POU6F2: variants seen among roughly 807,000 people sequenced by gnomAD.
POU6F2 encodes the protein POU class 6 homeobox 2, also known as POU domain, class 6, transcription factor 2.
A neutral mutation model predicts 71.3 loss-of-function variants in POU6F2; 31 were observed. The observed-to-expected ratio is 0.43, with a 90% CI of 0.33 to 0.59. POU6F2 has a LOEUF of 0.59. Among genes scored for constraint, POU6F2 ranks in the 20% least tolerant of loss-of-function variants. The pLI, the probability that POU6F2 is intolerant of heterozygous loss-of-function variation, is 0.04. For synonymous variants in POU6F2, 347 were observed against 355.7 expected (o/e 0.98, Z 0.27); for missense variants, 783 against 856.8 (o/e 0.91, Z 1.07).
rs527806712 is a variant in POU6F2 at position 39,341,676 on chromosome 7, G to A, written c.972+1661G>A. The stretch of plus-strand genomic sequence containing the variant: ...AAGAAAAATATTGCCCTTCCTTGAG[G>A]AGTGAAATTACTTAGGTGTGTCCCC... On this transcript the variant is annotated intron_variant, in intron 5 of 9. Coordinates refer to ENST00000518318, the MANE Select transcript of POU6F2 (RefSeq NM_001370959.1). 2.4e-4 allele frequency among the ~76,000 whole-genome samples: 36 copies of A among 152,260 alleles called. 1 individual carries two copies. The South Asian group carries it at 7.5e-3, about 32-fold the overall frequency.
intron 4 of POU6F2, among the ~76,000 whole-genome samples, chr7:39,240,176 CTTTG>C (rs1384966900): frequency 2.0e-5 from 3 of 152,090 alleles, no homozygotes; most frequent in Non-Finnish European, 4.4e-5. Context: ...TCTCTGACAT[CTTTG>C]TTTGTACCGG....
At chr7:39,179,537 ACACACACACACACG>A (rs1793397534) in intron 2 of POU6F2, among the ~76,000 whole-genome samples, 1 of 152,220 alleles carries the variant, frequency 6.6e-6, no homozygotes, top group Non-Finnish European at 1.5e-5. Context: ...ATGCGCGCAC[ACACACACACACACG>A]CACACAGTCT....
intron 2 of POU6F2, among the ~76,000 whole-genome samples, chr7:39,149,885 C>CTTTTTTTTT (rs70977463): frequency 7.0e-6 from 1 of 142,338 alleles, no homozygotes; most frequent in Non-Finnish European, 1.5e-5. Flanking sequence ...GCAAGATTTC[C>CTTTTTTTTT]TTTTTTTTTT....
intron 1 of POU6F2, among the ~76,000 whole-genome samples, chr7:38,979,238 G>A (rs1382523017): frequency 6.6e-6 from 1 of 151,684 alleles, no homozygotes; most frequent in East Asian, 1.9e-4. Flanking sequence ...ATCAAGACAA[G>A]CTGGCAAGGC....
intron 2 of POU6F2, among the ~76,000 whole-genome samples, chr7:39,200,516 A>G (rs1357091177): frequency 1.3e-5 from 2 of 152,128 alleles, no homozygotes; most frequent in Non-Finnish European, 2.9e-5. Context: ...GCTCTTCAGG[A>G]CCCAACTATT....
At position 39,085,512 on chromosome 7, in the gene POU6F2, A is replaced by G. The variant is rs570019295; in HGVS notation, c.106-348A>G. On this transcript the variant is annotated intron_variant, in intron 1 of 9. Transcript: ENST00000518318. Reference sequence around the variant, plus strand: ...CTGCATTAAAGACAGAACAAGGTGTAAAAACATTCGCACAAAAGCATATCC... The same window carrying G: ...CTGCATTAAAGACAGAACAAGGTGTGAAAACATTCGCACAAAAGCATATCC... Among the ~76,000 whole-genome samples, 5 of 152,198 alleles carry G rather than the reference A, an allele frequency of 3.3e-5. No individual in the cohort carries two copies. The South Asian group carries it at 1.0e-3, about 32-fold the overall frequency.
intron 2 of POU6F2, among the ~76,000 whole-genome samples, chr7:39,120,339 T>G (rs1792015066): frequency 1.3e-5 from 2 of 152,014 alleles, no homozygotes; most frequent in Non-Finnish European, 2.9e-5. Context: ...ATAACTAAAA[T>G]AAAAAATAAT....
chr7:39,263,413 C>G (rs1784176649), intron 4 of POU6F2, among the ~76,000 whole-genome samples: 1 of 152,134 alleles, frequency 6.6e-6, no homozygotes. Flanking sequence ...CTTTTAGCAT[C>G]TTATTCTGAA....
intron 7 of POU6F2, 151 bp from the exon 8 acceptor site, chr7:39,451,382 G>A (rs1047976666): frequency 1.6e-5 from 9 of 546,200 alleles, no homozygotes; most frequent in Non-Finnish European, 2.2e-5. Context: ...AAAAAAAAAT[G>A]ACTGCCTGCT....
intron 6 of POU6F2, among the ~76,000 whole-genome samples, chr7:39,408,704 T>A (rs141758997): frequency 6.6e-6 from 1 of 152,366 alleles, no homozygotes; most frequent in East Asian, 1.9e-4. Flanking sequence ...ATCTTAAGTT[T>A]TAACACATGT....
intron 5 of POU6F2, among the ~76,000 whole-genome samples, chr7:39,381,945 A>AT (rs1005739849): frequency 1.3e-5 from 2 of 152,010 alleles, no homozygotes; most frequent in African/African-American, 2.4e-5. Flanking sequence ...AAGAAAAAAC[A>AT]TTTTTTTCAC....
At chr7:39,322,117 G>A (rs1445756601) in intron 4 of POU6F2, among the ~76,000 whole-genome samples, 1 of 152,178 alleles carries the variant, frequency 6.6e-6, no homozygotes, top group Non-Finnish European at 1.5e-5. Context: ...AGGGATCTTT[G>A]TGTTGCTTTA....
chr7:39,299,478 TAAAC>T (rs1348573427), intron 4 of POU6F2, among the ~76,000 whole-genome samples: 1 of 152,040 alleles, frequency 6.6e-6, no homozygotes, highest in Non-Finnish European at 1.5e-5. Flanking sequence ...GACACTGAAA[TAAAC>T]AAAACAGAAA....
At chr7:39,342,946 G>C in intron 5 of POU6F2, among the ~76,000 whole-genome samples, 1 of 152,152 alleles carries the variant, frequency 6.6e-6, no homozygotes, top group East Asian at 1.9e-4. Flanking sequence ...GGATCACTTT[G>C]TTTATTAATT....
intron 2 of POU6F2, among the ~76,000 whole-genome samples, chr7:39,133,970 G>T (rs966734241): frequency 1.3e-5 from 2 of 152,090 alleles, no homozygotes; most frequent in African/African-American, 4.8e-5. Flanking sequence ...GACCTCTTGG[G>T]CTCAAGGGAT....
At chr7:39,394,419 AT>A (rs1247656375) in intron 5 of POU6F2, among the ~76,000 whole-genome samples, 2 of 152,280 alleles carry the variant, frequency 1.3e-5, no homozygotes, top group East Asian at 3.9e-4. Context: ...TAGCTCTTTA[AT>A]GTTGCATGAG....
rs528586493 is a variant in POU6F2 at position 39,039,868 on chromosome 7, T to G, written c.106-45992T>G. 2.0e-5 allele frequency among the ~76,000 whole-genome samples: 3 copies of G among 149,962 alleles called. No individual in the cohort carries two copies. The South Asian group carries it at 6.4e-4, about 32-fold the overall frequency. ...CCAGAAGTTTGACTGGGGCTCAACTTGGTGTGATATCGGATTAGGTATAGA... is the reference window on the plus strand; with the variant it reads ...CCAGAAGTTTGACTGGGGCTCAACTGGGTGTGATATCGGATTAGGTATAGA... On this transcript the variant is annotated intron_variant, in intron 1 of 9. Coordinates refer to ENST00000518318, the MANE Select transcript of POU6F2 (RefSeq NM_001370959.1).
At chr7:39,032,858 C>T (rs1179654515) in intron 1 of POU6F2, among the ~76,000 whole-genome samples, 1 of 152,166 alleles carries the variant, frequency 6.6e-6, no homozygotes, top group African/African-American at 2.4e-5. Flanking sequence ...CGGTCCACTC[C>T]TAGGCTTGTT....
chr7:39,115,810 C>CT (rs920622258), intron 2 of POU6F2, among the ~76,000 whole-genome samples: 19 of 148,896 alleles, frequency 1.3e-4, no homozygotes, highest in Admixed American at 4.0e-4. Context: ...GAAATAAAAT[C>CT]TTTTTTTTTT....
Sources: allele counts gnomAD v4.1 joint callset (sites outside exome capture counted in the v4.1 genomes callset), GRCh38; gene constraint gnomAD v4.1.1; transcripts MANE v1.5; gene names NCBI Gene and HGNC (gene_info 2026-07-23, HGNC 2026-07-21).